The following TASP1 variants were observed in gnomAD, a reference collection of about 807,000 sequenced individuals.
TASP1 encodes the protein taspase 1, also known as threonine aspartase 1.
TASP1 carries 16 observed loss-of-function variants against 56.6 expected under a neutral mutation model. The observed-to-expected ratio is 0.28, with a 90% confidence interval of 0.19 to 0.43. The LOEUF (loss-of-function observed/expected upper bound fraction) is 0.43. Among genes scored for constraint, TASP1 ranks in the 20% least tolerant of loss-of-function variants. The pLI is 1.00. For synonymous variants in TASP1, 179 were observed against 184.2 expected (o/e 0.97, Z 0.23); for missense variants, 393 against 511.6 (o/e 0.77, Z 2.24).
intron 5 of TASP1, among the ~76,000 whole-genome samples, chr20:13,581,713 G>A (rs1042156343): frequency 2.0e-5 from 3 of 152,278 alleles, no homozygotes; most frequent in East Asian, 3.9e-4. Flanking sequence ...CACTGATGAC[G>A]ACAATGATGA....
chr20:13,184,715 C>G, the TASP1 span, among the ~76,000 whole-genome samples: 1 of 152,096 alleles, frequency 6.6e-6, no homozygotes, highest in African/African-American at 2.4e-5. Flanking sequence ...GTATGATTGG[C>G]CATGTCTTCC....
chr20:13,590,625 T>C (rs1276238524), intron 4 of TASP1, among the ~76,000 whole-genome samples: 1 of 152,122 alleles, frequency 6.6e-6, no homozygotes, highest in African/African-American at 2.4e-5. Context: ...CCCAGCACTT[T>C]GGGAGGCCAA....
At chr20:13,130,873 G>T in the TASP1 span, among the ~76,000 whole-genome samples, 5 of 152,184 alleles carry the variant, frequency 3.3e-5, no homozygotes, top group Non-Finnish European at 7.3e-5. Flanking sequence ...TAATAAATAT[G>T]TCATGACTCA....
intron 13 of TASP1, among the ~76,000 whole-genome samples, chr20:13,395,138 G>A (rs575987878): frequency 6.6e-6 from 1 of 152,202 alleles, no homozygotes; most frequent in Admixed American, 6.5e-5. Flanking sequence ...TCCAGAGAGA[G>A]ATCATTGGAG....
At chr20:13,398,313 A>T (rs1427623774) in intron 13 of TASP1, among the ~76,000 whole-genome samples, 2 of 151,932 alleles carry the variant, frequency 1.3e-5, no homozygotes, top group Non-Finnish European at 2.9e-5. Flanking sequence ...AGGCACGGAG[A>T]CCCAGAAAGC....
chr20:13,566,506 T>G (rs557902788), intron 7 of TASP1, among the ~76,000 whole-genome samples: 1 of 151,410 alleles, frequency 6.6e-6, no homozygotes, highest in Admixed American at 6.6e-5. Context: ...AAACAAGCTA[T>G]TGATAAACAC....
intron 10 of TASP1, among the ~76,000 whole-genome samples, chr20:13,523,489 C>A (rs1364278207): frequency 6.6e-6 from 1 of 152,194 alleles, no homozygotes; most frequent in Non-Finnish European, 1.5e-5. Flanking sequence ...AACACAGTCC[C>A]ATAGACAATC....
chr20:13,431,309 T>A (rs1182324338), intron 12 of TASP1, among the ~76,000 whole-genome samples: 1 of 152,156 alleles, frequency 6.6e-6, no homozygotes, highest in African/African-American at 2.4e-5. Flanking sequence ...CAAATTAATT[T>A]ATAGCCTGAT....
the TASP1 span, among the ~76,000 whole-genome samples, chr20:13,353,780 C>T: frequency 2.0e-5 from 3 of 152,166 alleles, no homozygotes; most frequent in African/African-American, 7.2e-5. Flanking sequence ...CTGGGAAGCT[C>T]CCTTACATAT....
At chr20:13,434,318 T>C (rs2042929500) in intron 12 of TASP1, among the ~76,000 whole-genome samples, 1 of 152,186 alleles carries the variant, frequency 6.6e-6, no homozygotes, top group African/African-American at 2.4e-5. Context: ...GTCACCTTTA[T>C]GCAGATTTTT....
rs566028541 is a variant in TASP1, at chr20:13,469,908, A to G, written c.985+13319T>C. On this transcript the variant is annotated intron_variant, in intron 11 of 13. Transcript: ENST00000337743. ...ACTGCAACCTCTGCTTCCTGGGTTC[A>G]AGCTGTTCTCCTGCCTCAGCCTCCC... is the stretch of plus-strand genomic sequence containing the variant. Among the ~76,000 whole-genome samples, 784 of 137,886 alleles carry G rather than the reference A, an allele frequency of 5.7e-3. 6 individuals are homozygous for G. The highest frequency in any genetic ancestry group is 0.02 in the African/African-American group (758 of 37,058). 90.5% of individuals were successfully genotyped at this position (137,886 alleles called of 152,430 possible).
At chr20:13,121,517 G>T in the TASP1 span, among the ~76,000 whole-genome samples, 1 of 152,200 alleles carries the variant, frequency 6.6e-6, no homozygotes, top group African/African-American at 2.4e-5. Context: ...AGGCCTGTGT[G>T]TAGAGAAAAC....
chr20:13,287,549 A>G, the TASP1 span, among the ~76,000 whole-genome samples: 1 of 152,118 alleles, frequency 6.6e-6, no homozygotes, highest in African/African-American at 2.4e-5. Flanking sequence ...TCCTTTTTGC[A>G]CACCACTCAT....
intron 7 of TASP1, 40 bp downstream of exon 7, chr20:13,569,467 T>A (rs756702163): frequency 2.0e-6 from 3 of 1,496,992 alleles, no homozygotes; most frequent in Non-Finnish European, 2.8e-6. Flanking sequence ...TTTAGGTATA[T>A]ATGCTCATAT....
At chr20:13,560,346 G>A (rs2046304234) in intron 7 of TASP1, among the ~76,000 whole-genome samples, 1 of 152,144 alleles carries the variant, frequency 6.6e-6, no homozygotes. Context: ...GAGGACTAAA[G>A]GTATTATTGC....
the TASP1 span, chr20:13,126,577 C>T: frequency 1.9e-6 from 3 of 1,612,486 alleles, no homozygotes; most frequent in Non-Finnish European, 2.5e-6. Context: ...TTGGGTTTCC[C>T]CTCTTTATTT....
intron 10 of TASP1, among the ~76,000 whole-genome samples, chr20:13,520,479 A>G (rs2044704628): frequency 6.6e-6 from 1 of 152,316 alleles, no homozygotes; most frequent in East Asian, 1.9e-4. Context: ...CATATCTACA[A>G]CCATCTGGTC....
intron 10 of TASP1, among the ~76,000 whole-genome samples, chr20:13,523,414 C>T (rs959425921): frequency 6.6e-6 from 1 of 152,136 alleles, no homozygotes; most frequent in African/African-American, 2.4e-5. Context: ...TGTCACATAA[C>T]CCCCCTCTCA....
At chr20:13,627,081 G>A (rs2048921666) in intron 2 of TASP1, among the ~76,000 whole-genome samples, 2 of 152,078 alleles carry the variant, frequency 1.3e-5, no homozygotes, top group Non-Finnish European at 2.9e-5. Flanking sequence ...AAGTGATACT[G>A]CTATTTCATT....
Sources: gnomAD v4.1 joint callset for allele counts (sites outside exome capture counted in the v4.1 genomes callset) on GRCh38, gnomAD v4.1.1 for gene constraint, MANE v1.5 for transcripts, NCBI Gene and HGNC (gene_info 2026-07-23, HGNC 2026-07-21) for gene names.